Variants in FGFR3 observed in about 807,000 individuals in gnomAD.
The protein encoded by FGFR3 is FGFR-3.
FGFR3 carries 25 observed loss-of-function variants against 82.9 expected under a neutral mutation model. The observed-to-expected ratio is 0.30, with a 90% CI of 0.22 to 0.42. FGFR3 has a LOEUF of 0.42. Among genes scored for constraint, FGFR3 ranks in the 10% least tolerant of loss-of-function variants. FGFR3 has a pLI of 1.00. For synonymous variants in FGFR3, 620 were observed against 516.0 expected (o/e 1.20, Z -2.73); for missense variants, 1,026 against 1,161.0 (o/e 0.88, Z 1.69).
In FGFR3 at chr4:1,801,602, G is replaced by A. The variant is rs372940259; in HGVS notation, c.616-18G>A. ...GGTTGCTGCCTCCGCTCACTCACCCGCCCGCGTCCCGGTGCAGCTGCGGCA... is the reference window on the plus strand; with the variant it reads ...GGTTGCTGCCTCCGCTCACTCACCCACCCGCGTCCCGGTGCAGCTGCGGCA... On this transcript the variant is annotated intron_variant, in intron 5 of 17. Coordinates refer to ENST00000440486, the MANE Select transcript of FGFR3 (RefSeq NM_000142.5). The A allele has an allele frequency of 8.1e-6, 13 of 1,599,948 alleles. No individual in the cohort carries two copies. Among genetic ancestry groups the A allele is most frequent in the African/African-American group, 4.0e-5 (3 of 74,728 alleles).
At chr4:1,802,343 G>A (rs1420433175) in intron 7 of FGFR3, among the ~76,000 whole-genome samples, 3 of 152,216 alleles carry the variant, frequency 2.0e-5, no homozygotes, top group African/African-American at 7.2e-5. Context: ...AGGGCAGTGT[G>A]GCCAAGCCCT....
At chr4:1,797,633 G>A (rs1343671483) in intron 2 of FGFR3, among the ~76,000 whole-genome samples, 1 of 152,256 alleles carries the variant, frequency 6.6e-6, no homozygotes, top group African/African-American at 2.4e-5. Flanking sequence ...CCTTCTGGGG[G>A]GCCTCGAGCA....
At chr4:1,802,867 G>A (rs1274275684) in intron 7 of FGFR3, 21 of 1,547,528 alleles carry the variant, frequency 1.4e-5, no homozygotes, top group Admixed American at 2.0e-5. Flanking sequence ...CGTGCCCGGC[G>A]GGGCTGCCTC....
At chr4:1,803,864 C>G (rs747118673) in intron 8 of FGFR3, 28 bp downstream of exon 8, 1 of 1,607,074 alleles carries the variant, frequency 6.2e-7, no homozygotes, top group Admixed American at 1.7e-5. Context: ...TGCTGCTGCT[C>G]CGCACTGTCT....
rs4647924 is a variant in FGFR3 at position 1,801,844 on chromosome 4, C to G, written c.749C>G (p.Pro250Arg). The G allele has an allele frequency of 1.1e-5, 18 of 1,606,994 alleles. No individual in the cohort carries two copies. The highest frequency in any genetic ancestry group is 1.7e-4 in the Middle Eastern group (1 of 6,060). Residue 250 changes from proline (P) to arginine (R), a missense_variant, in exon 7 of 18, where the codon CCG (proline) becomes CGG (arginine). By Grantham distance (103) the Pro-to-Arg change is moderately radical. This residue lies in a region of FGFR3 where 147 missense variants were observed against 228.1 expected (regional missense o/e 0.64). Coordinates refer to ENST00000440486, the MANE Select transcript of FGFR3 (RefSeq NM_000142.5). ...TYTLDVLERS[P>R]HRPILQAGLP... ...TCATCTGCCCCCACAGAGCGCTCCCCGCACCGGCCCATCCTGCAGGCGGGG... is the reference window on the plus strand; with the variant it reads ...TCATCTGCCCCCACAGAGCGCTCCCGGCACCGGCCCATCCTGCAGGCGGGG...
intron 2 of FGFR3, among the ~76,000 whole-genome samples, chr4:1,795,533 G>A (rs1720402911): frequency 6.6e-6 from 1 of 152,130 alleles, no homozygotes; most frequent in Non-Finnish European, 1.5e-5. Flanking sequence ...GGGCCGGGCA[G>A]TAAAAATACA....
chr4:1,807,067 G>A (rs2108816445), intron 17 of FGFR3, 49 bp from the exon 18 acceptor site: 1 of 1,554,118 alleles, frequency 6.4e-7, no homozygotes, highest in East Asian at 2.4e-5. Context: ...AGGTGGCTGT[G>A]CGAAGAGGGG....
chr4:1,793,569 G>C (rs1720085485), intron 1 of FGFR3, 104 bp downstream of exon 1: 1 of 150,580 alleles, frequency 6.6e-6, no homozygotes, highest in Admixed American at 6.6e-5. Flanking sequence ...GCAGCGGGCC[G>C]GGCCGGGGCG....
In FGFR3 at chr4:1,807,996, G is replaced by T; in HGVS notation, c.*734G>T. ...CAGGAGGCAGGCATGGCCCTGGGCGGGGCGTGGGGGGGCGTGGAGGGAGGC... is the reference window on the plus strand; with the variant it reads ...CAGGAGGCAGGCATGGCCCTGGGCGTGGCGTGGGGGGGCGTGGAGGGAGGC... On this transcript the variant is annotated 3_prime_UTR_variant, in exon 18 of 18. Transcript: ENST00000440486. 4.1e-6 allele frequency: 1 copy of T among 242,796 alleles called. No homozygotes were observed. The allele number at this position is 242,796 out of a possible 1,614,324, so 15.0% of individuals were successfully genotyped here.
At chr4:1,802,884 G>T (rs756258472) in intron 7 of FGFR3, 6 of 1,568,104 alleles carry the variant, frequency 3.8e-6, no homozygotes, top group Non-Finnish European at 5.2e-6. Context: ...CCTCGGGGGC[G>T]TGCCTGAGCC....
intron 4 of FGFR3, among the ~76,000 whole-genome samples, chr4:1,800,260 T>G (rs929394153): frequency 2.2e-5 from 3 of 137,726 alleles, no homozygotes; most frequent in Admixed American, 1.4e-4. Context: ...GGCAGGAGGG[T>G]GGCTGGTGGG....
intron 7 of FGFR3, chr4:1,803,238 C>A: frequency 1.3e-6 from 1 of 788,658 alleles, no homozygotes. Context: ...CCGCCCGCTT[C>A]GAGCCCTGTG....
Position 1,803,684 on chromosome 4 carries a change from C to T in FGFR3, c.931-8C>T, listed in dbSNP as rs141375600. 12 of 1,613,376 alleles carry T rather than the reference C, an allele frequency of 7.4e-6. No individual in the cohort carries two copies. In the East Asian group the frequency reaches 2.7e-4, roughly 36 times the overall value. On this transcript the variant is annotated splice_region_variant and splice_polypyrimidine_tract_variant and intron_variant, in intron 7 of 17. Coordinates refer to ENST00000440486, the MANE Select transcript of FGFR3 (RefSeq NM_000142.5). ...GCGCTCGCCTATCGCTCTGCTCTCT[C>T]TTTGTAGACGGCGGGCGCTAACACC...
Position 1,807,197 on chromosome 4 carries a change from G to T in FGFR3, c.2356G>T (p.Asp786Tyr), listed in dbSNP as rs548817695. The T allele has an allele frequency of 1.9e-6, 3 of 1,607,984 alleles. No individual in the cohort carries two copies. Among genetic ancestry groups the T allele is most frequent in the East Asian group, 4.5e-5 (2 of 44,638 alleles). Residue 786 changes from aspartate (D) to tyrosine (Y), a missense_variant, in exon 18 of 18, where the codon GAC (aspartate) becomes TAC (tyrosine). Asp to Tyr is a radical substitution (Grantham distance 160). Transcript: ENST00000440486. ...DTPSSSSSGD[D>Y]SVFAHDLLPP... Reference sequence around the variant, plus strand: ...CCCCAGCTCCAGCTCCTCAGGGGACGACTCCGTGTTTGCCCACGACCTGCT... The same window carrying T: ...CCCCAGCTCCAGCTCCTCAGGGGACTACTCCGTGTTTGCCCACGACCTGCT...
chr4:1,794,695 A>G (rs540859908), intron 2 of FGFR3, among the ~76,000 whole-genome samples: 2 of 151,970 alleles, frequency 1.3e-5, no homozygotes, highest in African/African-American at 4.8e-5. Context: ...CGAGGGTCTG[A>G]AGGGAGGTCC....
Position 1,801,394 on chromosome 4 carries a change from G to T in FGFR3, c.473G>T (p.Arg158Leu). ...TGAPYWTRPERMDKKLLAVPA... is the reference protein window; with the variant it reads ...TGAPYWTRPELMDKKLLAVPA... ...GCCCCTTACTGGACACGGCCCGAGC[G>T]GATGGACAAGAAGCTGCTGGCCGTG... Residue 158 changes from arginine to leucine, a missense_variant, in exon 5 of 18, where the codon CGG becomes CTG. By Grantham distance (102) the Arg-to-Leu change is moderately radical (BLOSUM62 -2). Coordinates refer to ENST00000440486, the MANE Select transcript of FGFR3 (RefSeq NM_000142.5). 1 of 1,556,932 alleles carries T rather than the reference G, an allele frequency of 6.4e-7. No individual in the cohort carries two copies. Among genetic ancestry groups the T allele is most frequent in the South Asian group, 1.2e-5 (1 of 84,760 alleles).
intron 10 of FGFR3, 140 bp from the exon 11 acceptor site, chr4:1,805,215 A>AGGCTGTAGG: frequency 6.8e-7 from 1 of 1,477,504 alleles, no homozygotes; most frequent in South Asian, 1.2e-5. Context: ...CCTTACGAGC[A>AGGCTGTAGG]GGCTGTAGGG....
intron 15 of FGFR3, 29 bp downstream of exon 15, chr4:1,806,356 G>C (rs1225256649): frequency 6.2e-7 from 1 of 1,612,404 alleles, no homozygotes; most frequent in African/African-American, 1.3e-5. Flanking sequence ...TCAGGCTTCA[G>C]GGGTGGAGGC....
intron 10 of FGFR3, 95 bp downstream of exon 10, chr4:1,805,064 T>G: frequency 6.9e-7 from 1 of 1,452,200 alleles, no homozygotes; most frequent in Non-Finnish European, 9.2e-7. Flanking sequence ...TTAGGGGCCG[T>G]CAGGGATGTG....
Sources: allele counts gnomAD v4.1 joint callset (sites outside exome capture counted in the v4.1 genomes callset), GRCh38; gene constraint gnomAD v4.1.1; regional missense constraint gnomAD v4.1.1; transcripts MANE v1.5; gene names NCBI Gene and HGNC (gene_info 2026-07-23, HGNC 2026-07-21).